MOB3A: variants seen among roughly 807,000 people sequenced by gnomAD.
MOB3A encodes the protein MOB kinase activator 3A, also known as MOB LAK.
A neutral mutation model predicts 17.8 loss-of-function variants in MOB3A; 17 were observed. The ratio of observed to expected loss-of-function variants is 0.95; its 90% confidence interval spans 0.65 to 1.43. The LOEUF (loss-of-function observed/expected upper bound fraction) is 1.43, where lower values mean the gene tolerates loss of function less well. Among genes scored for constraint, MOB3A ranks in the 40% most tolerant of loss-of-function variants. MOB3A has a pLI of 0.00. For missense variants in MOB3A, 333 were observed against 310.8 expected (o/e 1.07, Z -0.54); for synonymous variants, 124 against 133.2 (o/e 0.93, Z 0.48).
intron 4 of MOB3A, among the ~76,000 whole-genome samples, chr19:2,075,931 T>C (rs190431146): frequency 1.3e-5 from 2 of 152,130 alleles, no homozygotes; most frequent in Non-Finnish European, 2.9e-5. Context: ...GAGACCAGCC[T>C]GGCCAACATG....
intron 4 of MOB3A, among the ~76,000 whole-genome samples, chr19:2,075,264 G>C (rs1034182108): frequency 6.6e-6 from 1 of 152,028 alleles, no homozygotes; most frequent in Non-Finnish European, 1.5e-5. Flanking sequence ...TTCTGAGCTC[G>C]AGTGATTCTC....
intron 2 of MOB3A, chr19:2,084,073 A>G: frequency 2.2e-6 from 1 of 456,374 alleles, no homozygotes; most frequent in Non-Finnish European, 4.4e-6. Flanking sequence ...TGCCTGGCTG[A>G]GGCTTATCTT....
chr19:2,080,384 C>CTT (rs999386893), intron 2 of MOB3A, among the ~76,000 whole-genome samples: 1 of 146,748 alleles, frequency 6.8e-6, no homozygotes, highest in African/African-American at 2.5e-5. Flanking sequence ...ACCCCCACCT[C>CTT]TTTTTTTTTT....
Position 2,081,259 on chromosome 19 carries a change from G to A in MOB3A, c.-119-2580C>T, listed in dbSNP as rs142252283. 7.0e-3 allele frequency among the ~76,000 whole-genome samples: 1,068 copies of A among 152,254 alleles called. 18 individuals are homozygous for A. The highest frequency in any genetic ancestry group is 0.025 in the African/African-American group (1,021 of 41,546). On this transcript the variant is annotated intron_variant, in intron 2 of 4. Transcript: ENST00000357066. ...ACCCAAATGTTCACAGGGCCTGGGG[G>A]TCGGGGGGAAGAGATGCTGCATTGT... is the stretch of plus-strand genomic sequence containing the variant.
In MOB3A at chr19:2,078,211, C is replaced by T; in HGVS notation, c.350G>A (p.Arg117Lys). The T allele has an allele frequency of 6.2e-7, 1 of 1,612,272 alleles. No homozygotes were observed. Among genetic ancestry groups the T allele is most frequent in the Non-Finnish European group, 8.5e-7 (1 of 1,178,626 alleles). ...FRKPTALSAP[R>K]YMDLLMDWIE... ...CCAGTCCATCAGCAGGTCCATGTAC[C>T]TGGGCGCGGAGAGTGCCGTGGGCTT... Residue 117 changes from arginine (R) to lysine (K), a missense_variant, in exon 3 of 5, where the codon AGG becomes AAG. By Grantham distance (26) the Arg-to-Lys change is conservative. Transcript: ENST00000357066.
At chr19:2,075,680 C>T (rs375203050) in intron 4 of MOB3A, among the ~76,000 whole-genome samples, 29 of 152,190 alleles carry the variant, frequency 1.9e-4, no homozygotes, top group African/African-American at 6.7e-4. Context: ...CAATTGTGGG[C>T]CCCAATTTCA....
intron 1 of MOB3A, among the ~76,000 whole-genome samples, chr19:2,095,590 C>T (rs2144946727): frequency 6.6e-6 from 1 of 152,296 alleles, no homozygotes; most frequent in Non-Finnish European, 1.5e-5. Context: ...ACCCCCGCAG[C>T]TCGACCCCGC....
chr19:2,091,784 G>C (rs2017616821), intron 1 of MOB3A, among the ~76,000 whole-genome samples: 1 of 151,398 alleles, frequency 6.6e-6, no homozygotes, highest in Non-Finnish European at 1.5e-5. Context: ...GGATCACAAG[G>C]TCAGGAGTTT....
chr19:2,092,535 G>A (rs2017625621), intron 1 of MOB3A, among the ~76,000 whole-genome samples: 1 of 152,042 alleles, frequency 6.6e-6, no homozygotes, highest in African/African-American at 2.4e-5. Flanking sequence ...CCAGCACTTT[G>A]GGAGGCTGAG....
intron 2 of MOB3A, among the ~76,000 whole-genome samples, chr19:2,081,416 C>CTT (rs2017487186): frequency 1.3e-5 from 2 of 150,416 alleles, no homozygotes; most frequent in Admixed American, 1.3e-4. Context: ...GGTGAAACCC[C>CTT]ATCTCTACTA....
intron 2 of MOB3A, among the ~76,000 whole-genome samples, chr19:2,083,591 C>T (rs944626494): frequency 1.3e-5 from 2 of 152,222 alleles, no homozygotes; most frequent in East Asian, 1.9e-4. Flanking sequence ...AAGAGGAAAC[C>T]GTGCAGGCGA....
chr19:2,087,914 T>C (rs890207676), intron 1 of MOB3A, among the ~76,000 whole-genome samples: 1 of 152,234 alleles, frequency 6.6e-6, no homozygotes, highest in African/African-American at 2.4e-5. Context: ...CACCGCCTTC[T>C]TGGCCTCCTG....
intron 1 of MOB3A, among the ~76,000 whole-genome samples, chr19:2,090,764 C>A (rs939834825): frequency 6.6e-6 from 1 of 152,000 alleles, no homozygotes; most frequent in Admixed American, 6.5e-5. Context: ...ACTGGGTTCA[C>A]GCCATTCTCC....
chr19:2,084,212 G>A, intron 2 of MOB3A: 1 of 466,274 alleles, frequency 2.1e-6, no homozygotes, highest in Non-Finnish European at 4.3e-6. Flanking sequence ...GGTGAGGGGT[G>A]CCAGGCGAGG....
Position 2,073,284 on chromosome 19 carries a change from CTCCCTGAGATGCTCA to C in MOB3A, c.*96_*110del. 7.1e-7 allele frequency: 1 copy of C among 1,414,672 alleles called. No homozygotes were observed. Among genetic ancestry groups the C allele is most frequent in the South Asian group, 1.2e-5 (1 of 85,840 alleles). The allele number at this position is 1,414,672 out of a possible 1,614,324, so 87.6% of individuals were successfully genotyped here. Reference sequence around the variant, plus strand: ...CCTGCTCAGCGGCTCGGCCCCTGGTCTCCCTGAGATGCTCAGGCCGGAGAGAAGCGGGATGATGGT... The same window carrying C: ...CCTGCTCAGCGGCTCGGCCCCTGGTCGGCCGGAGAGAAGCGGGATGATGGT... On this transcript the variant is annotated 3_prime_UTR_variant, in exon 5 of 5. Coordinates refer to ENST00000357066, the MANE Select transcript of MOB3A (RefSeq NM_130807.3).
At chr19:2,092,282 G>C (rs1051489933) in intron 1 of MOB3A, among the ~76,000 whole-genome samples, 21 of 151,798 alleles carry the variant, frequency 1.4e-4, no homozygotes, top group African/African-American at 4.8e-4. Context: ...TGTATTTTTG[G>C]TAGAGATGGG....
At chr19:2,084,369 C>T (rs940915008) in intron 2 of MOB3A, among the ~76,000 whole-genome samples, 1 of 151,506 alleles carries the variant, frequency 6.6e-6, no homozygotes, top group African/African-American at 2.4e-5. Flanking sequence ...TGGCATGTGC[C>T]TATAATCCCA....
chr19:2,083,885 C>T (rs1050587544), intron 2 of MOB3A, among the ~76,000 whole-genome samples: 4 of 152,160 alleles, frequency 2.6e-5, no homozygotes, highest in African/African-American at 9.7e-5. Flanking sequence ...AGACCCCCTA[C>T]CTGGGCTGAG....
chr19:2,078,898 A>G (rs1599404412), intron 2 of MOB3A, among the ~76,000 whole-genome samples: 1 of 152,324 alleles, frequency 6.6e-6, no homozygotes, highest in South Asian at 2.1e-4. Flanking sequence ...AGCTGGGACT[A>G]TAGGCACACA....
Sources: gnomAD v4.1 joint callset for allele counts (sites outside exome capture counted in the v4.1 genomes callset) on GRCh38, gnomAD v4.1.1 for gene constraint, MANE v1.5 for transcripts, NCBI Gene and HGNC (gene_info 2026-07-23, HGNC 2026-07-21) for gene names.